Variants in NOP58 observed in about 807,000 individuals in gnomAD.
NOP58 encodes the protein nucleolar protein 58.
A neutral mutation model predicts 71.2 loss-of-function variants in NOP58; 44 were observed. That is an observed-to-expected ratio of 0.62 (90% CI 0.49 to 0.79). NOP58 has a LOEUF of 0.79. NOP58 is among the 30% of genes least tolerant of loss of function. The pLI, the probability that NOP58 is intolerant of heterozygous loss-of-function variation, is 0.00. For synonymous variants in NOP58, 228 were observed against 200.3 expected, an observed-to-expected ratio of 1.14 and a Z score of -1.17; for missense variants, 538 against 620.2, an observed-to-expected ratio of 0.87 and a Z score of 1.41.
At chr2:202,284,206 G>T in intron 4 of NOP58, 139 bp from the exon 5 acceptor site, 1 of 610,754 alleles carries the variant, frequency 1.6e-6, no homozygotes, top group Non-Finnish European at 2.8e-6. Context: ...CCAGGAGGCG[G>T]AGGTTGTAGT....
intron 6 of NOP58, 56 bp from the exon 7 acceptor site, chr2:202,290,267 G>A: frequency 6.9e-7 from 1 of 1,445,928 alleles, no homozygotes; most frequent in Non-Finnish European, 9.4e-7. Flanking sequence ...TGTTGTGTAT[G>A]TTTTACCACA....
chr2:202,297,654 A>G (rs1452004455), intron 11 of NOP58, 141 bp downstream of exon 11: 11 of 926,374 alleles, frequency 1.2e-5, no homozygotes, highest in Non-Finnish European at 1.8e-5. Context: ...CCTACTGTTA[A>G]CAATTGCTAT....
intron 1 of NOP58, among the ~76,000 whole-genome samples, chr2:202,270,103 G>GTA (rs1358525872): frequency 3.7e-4 from 56 of 152,278 alleles, no homozygotes; most frequent in African/African-American, 1.3e-3. Context: ...TTTACATACT[G>GTA]TATAACTCAC....
intron 1 of NOP58, among the ~76,000 whole-genome samples, chr2:202,266,501 A>G (rs1688419442): frequency 6.6e-6 from 1 of 151,972 alleles, no homozygotes; most frequent in South Asian, 2.1e-4. Flanking sequence ...CTTTTAGTAG[A>G]GACGGGGTTT....
At chr2:202,286,648 A>G (rs1688791513) in intron 5 of NOP58, among the ~76,000 whole-genome samples, 1 of 152,266 alleles carries the variant, frequency 6.6e-6, no homozygotes, top group African/African-American at 2.4e-5. Context: ...TGTAATAAGC[A>G]TTTCTAAGAG....
At chr2:202,282,570 C>G (rs1390979588) in intron 4 of NOP58, 98 bp downstream of exon 4, 5 of 1,235,024 alleles carry the variant, frequency 4.0e-6, no homozygotes, top group Middle Eastern at 4.0e-4. Flanking sequence ...ATCATAAATT[C>G]TCAATACATT....
At chr2:202,293,218 A>G (rs2105852545) in intron 9 of NOP58, 2 of 498,764 alleles carry the variant, frequency 4.0e-6, no homozygotes, top group Non-Finnish European at 7.8e-6. Flanking sequence ...ACATTTTCAT[A>G]ATAAAAACTC....
chr2:202,269,281 C>G (rs1688475391), intron 1 of NOP58, among the ~76,000 whole-genome samples: 1 of 151,816 alleles, frequency 6.6e-6, no homozygotes, highest in South Asian at 2.1e-4. Context: ...AAACGATTTT[C>G]CTGCCTCAGC....
At chr2:202,266,760 G>A (rs550605484) in intron 1 of NOP58, among the ~76,000 whole-genome samples, 16 of 152,336 alleles carry the variant, frequency 1.1e-4, no homozygotes, top group Middle Eastern at 3.4e-3. Context: ...TGCCTGGTAT[G>A]GAGAGAAACA....
At chr2:202,280,101 C>T (rs1349447211) in intron 3 of NOP58, among the ~76,000 whole-genome samples, 3 of 152,164 alleles carry the variant, frequency 2.0e-5, no homozygotes, top group Non-Finnish European at 4.4e-5. Context: ...AATCCTTCCC[C>T]TGGGAATTCA....
intron 9 of NOP58, among the ~76,000 whole-genome samples, chr2:202,294,880 G>A (rs1284226849): frequency 6.6e-6 from 1 of 151,774 alleles, no homozygotes; most frequent in African/African-American, 2.4e-5. Flanking sequence ...GCAGAGAATT[G>A]CTTAAACCCG....
At chr2:202,292,316 G>T (rs1055921751) in intron 8 of NOP58, among the ~76,000 whole-genome samples, 9 of 151,946 alleles carry the variant, frequency 5.9e-5, no homozygotes, top group African/African-American at 1.9e-4. Context: ...TAAAAATACA[G>T]TTACGCTGAC....
chr2:202,277,433 G>A (rs1046542031), intron 2 of NOP58, among the ~76,000 whole-genome samples: 10 of 151,588 alleles, frequency 6.6e-5, no homozygotes, highest in African/African-American at 2.4e-4. Flanking sequence ...AGCCGAGATC[G>A]CACCACTGCA....
chr2:202,273,657 A>G (rs2105838297), intron 1 of NOP58, among the ~76,000 whole-genome samples: 1 of 152,302 alleles, frequency 6.6e-6, no homozygotes, highest in Admixed American at 6.5e-5. Flanking sequence ...AAACAATACA[A>G]GGCGGCTGGG....
chr2:202,280,693 TG>T (rs1225763378), intron 3 of NOP58, among the ~76,000 whole-genome samples: 1 of 151,980 alleles, frequency 6.6e-6, no homozygotes, highest in Non-Finnish European at 1.5e-5. Flanking sequence ...GAATTTGTAT[TG>T]GTCTCAGACA....
intron 8 of NOP58, 30 bp downstream of exon 8, chr2:202,291,300 T>G: frequency 1.3e-6 from 2 of 1,565,968 alleles, no homozygotes; most frequent in Non-Finnish European, 1.7e-6. Context: ...AATCTAGTTG[T>G]GGTGTTACCA....
intron 1 of NOP58, among the ~76,000 whole-genome samples, chr2:202,273,616 G>A (rs1688543364): frequency 6.6e-6 from 1 of 152,148 alleles, no homozygotes; most frequent in South Asian, 2.1e-4. Context: ...AATATTAACA[G>A]GTAAAAATTA....
intron 7 of NOP58, 195 bp from the exon 8 acceptor site, chr2:202,290,930 T>C: frequency 2.2e-6 from 1 of 465,114 alleles, no homozygotes; most frequent in East Asian, 3.4e-5. Flanking sequence ...AAGAAGGTGG[T>C]GGGGAGACAT....
chr2:202,268,067 A>G (rs1688446765), intron 1 of NOP58, among the ~76,000 whole-genome samples: 1 of 152,204 alleles, frequency 6.6e-6, no homozygotes, highest in Non-Finnish European at 1.5e-5. Flanking sequence ...ATGGCTGCAC[A>G]TTTTTGTGAA....
Sources: gnomAD v4.1 joint callset for allele counts (sites outside exome capture counted in the v4.1 genomes callset) on GRCh38, gnomAD v4.1.1 for gene constraint, MANE v1.5 for transcripts, NCBI Gene and HGNC (gene_info 2026-07-23, HGNC 2026-07-21) for gene names.